Variants in MCPH1 observed in about 807,000 individuals in gnomAD.
MCPH1 encodes the protein microcephalin 1.
MCPH1 carries 104 observed loss-of-function variants against 84.5 expected under a neutral mutation model. The ratio of observed to expected loss-of-function variants is 1.23; its 90% CI spans 1.05 to 1.45. The LOEUF (loss-of-function observed/expected upper bound fraction) is 1.45. MCPH1 is among the 40% of genes most tolerant of loss of function. The pLI, the probability that MCPH1 is intolerant of heterozygous loss-of-function variation, is 0.00. For synonymous variants in MCPH1, 514 were observed against 366.8 expected (o/e 1.40, Z -4.58); for missense variants, 1,498 against 1,005.7 (o/e 1.49, Z -6.62).
At chr8:6,449,789 A>G (rs1273894183) in intron 8 of MCPH1, among the ~76,000 whole-genome samples, 2 of 152,186 alleles carry the variant, frequency 1.3e-5, no homozygotes, top group African/African-American at 4.8e-5. Flanking sequence ...ACAAGAGAGA[A>G]TCGTTGCTTA....
chr8:6,462,650 G>A (rs1806408491), intron 9 of MCPH1, among the ~76,000 whole-genome samples: 2 of 152,160 alleles, frequency 1.3e-5, no homozygotes, highest in African/African-American at 4.8e-5. Context: ...TCCCATCTCT[G>A]TTACTCACCT....
At chr8:6,559,621 T>C (rs1825206114) in intron 12 of MCPH1, among the ~76,000 whole-genome samples, 1 of 152,224 alleles carries the variant, frequency 6.6e-6, no homozygotes, top group African/African-American at 2.4e-5. Context: ...TTTATAGGTA[T>C]GAGGCACTCA....
At chr8:6,520,039 CA>C in intron 12 of MCPH1, 1 of 1,598,762 alleles carries the variant, frequency 6.3e-7, no homozygotes, top group Non-Finnish European at 8.5e-7. Context: ...CATGAAAAGA[CA>C]AAGACTTGTT....
chr8:6,621,997 A>C, intron 13 of MCPH1: 1 of 425,758 alleles, frequency 2.3e-6, no homozygotes, highest in Non-Finnish European at 4.6e-6. Flanking sequence ...GTGGGCACAG[A>C]CTCTCCGGGC....
chr8:6,520,549 C>G (rs2515439), intron 12 of MCPH1, among the ~76,000 whole-genome samples: 10,611 of 152,138 alleles, frequency 0.07, 438 homozygotes, highest in African/African-American at 0.11. Flanking sequence ...GTGCCCACCA[C>G]CAAGCCCAGC....
chr8:6,545,699 T>TAATA (rs963880503), intron 12 of MCPH1, among the ~76,000 whole-genome samples: 3 of 152,240 alleles, frequency 2.0e-5, no homozygotes, highest in South Asian at 4.1e-4. Flanking sequence ...TAAAAATAAA[T>TAATA]AATAAATAAA....
At chr8:6,485,941 T>G (rs1809848658) in intron 11 of MCPH1, among the ~76,000 whole-genome samples, 1 of 152,240 alleles carries the variant, frequency 6.6e-6, no homozygotes, top group South Asian at 2.1e-4. Flanking sequence ...CCTCAAAAAG[T>G]TTAGAAACAA....
At chr8:6,607,596 T>A (rs10089987) in intron 12 of MCPH1, among the ~76,000 whole-genome samples, 96,733 of 152,100 alleles carry the variant, frequency 0.64, 33,365 homozygotes, top group Non-Finnish European at 0.79. Context: ...TGTAGCTCCC[T>A]CAATTCCCAT....
chr8:6,618,107 G>T (rs965053746), intron 12 of MCPH1, among the ~76,000 whole-genome samples: 1 of 152,158 alleles, frequency 6.6e-6, no homozygotes, highest in Admixed American at 6.5e-5. Flanking sequence ...TGTAAATTGC[G>T]ATTACCAAGG....
intron 11 of MCPH1, among the ~76,000 whole-genome samples, chr8:6,489,874 G>A (rs577558292): frequency 2.0e-5 from 3 of 152,294 alleles, no homozygotes; most frequent in East Asian, 1.9e-4. Flanking sequence ...CTAAGATTAT[G>A]TATATTAATG....
At chr8:6,627,128 G>A (rs1347830193) in intron 13 of MCPH1, 33 of 985,188 alleles carry the variant, frequency 3.3e-5, no homozygotes, top group South Asian at 9.4e-5. Flanking sequence ...CTCATTCATC[G>A]TTTCCCCTAA....
intron 10 of MCPH1, among the ~76,000 whole-genome samples, chr8:6,479,953 C>G (rs191629221): frequency 1.3e-5 from 2 of 151,838 alleles, no homozygotes; most frequent in African/African-American, 4.8e-5. Context: ...AGTAGAAAAA[C>G]TATGTGTTGA....
chr8:6,472,764 A>T (rs116490693), intron 9 of MCPH1, among the ~76,000 whole-genome samples: 5 of 152,350 alleles, frequency 3.3e-5, no homozygotes, highest in South Asian at 2.1e-4. Context: ...CACCATGTCC[A>T]GCCTCAGACA....
At chr8:6,421,149 G>A (rs2922838) in intron 3 of MCPH1, among the ~76,000 whole-genome samples, 1,675 of 152,230 alleles carry the variant, frequency 0.011, 36 homozygotes, top group African/African-American at 0.038. Context: ...CTTTCTTCCC[G>A]TTTCTCCGCC....
At chr8:6,516,426 C>G (rs556203028) in intron 12 of MCPH1, among the ~76,000 whole-genome samples, 1 of 152,160 alleles carries the variant, frequency 6.6e-6, no homozygotes, top group Non-Finnish European at 1.5e-5. Context: ...AATAAGGTCT[C>G]TTTGATTCCT....
At chr8:6,442,392 T>G (rs1048392251) in intron 7 of MCPH1, among the ~76,000 whole-genome samples, 2 of 152,194 alleles carry the variant, frequency 1.3e-5, no homozygotes, top group Non-Finnish European at 2.9e-5. Flanking sequence ...ACAGAATCCA[T>G]TGCTCTATTT....
chr8:6,597,870 A>C (rs765669332), intron 12 of MCPH1, among the ~76,000 whole-genome samples: 6 of 152,002 alleles, frequency 3.9e-5, no homozygotes, highest in Non-Finnish European at 7.4e-5. Context: ...CCCTTCACTT[A>C]CCCATCTCCT....
In MCPH1 at chr8:6,439,012, A is replaced by G. The variant is rs760110485; in HGVS notation, c.496A>G (p.Ile166Val). Residue 166 changes from isoleucine to valine, a missense_variant, in exon 6 of 14, where the codon ATT becomes GTT. Physicochemically the swap from Ile to Val is conservative, Grantham distance 29 (BLOSUM62 3). Transcript: ENST00000344683. ...TGGTTCATTAATATATACTCCCACA[A>G]TTGAAATTAATAGTAGGCACCACAG... ...SNGSLIYTPT[I>V]EINSRHHSAM... The G allele has an allele frequency of 3.7e-6, 6 of 1,610,796 alleles. No homozygotes were observed. Among genetic ancestry groups the G allele is most frequent in the East Asian group, 2.2e-5 (1 of 44,834 alleles).
chr8:6,489,718 C>T (rs148169979), intron 11 of MCPH1, among the ~76,000 whole-genome samples: 28 of 152,252 alleles, frequency 1.8e-4, no homozygotes, highest in African/African-American at 6.5e-4. Flanking sequence ...AAGTGTGACT[C>T]GAGCCTTCTC....
Sources: gnomAD v4.1 joint callset for allele counts (sites outside exome capture counted in the v4.1 genomes callset) on GRCh38, gnomAD v4.1.1 for gene constraint, MANE v1.5 for transcripts, NCBI Gene and HGNC (gene_info 2026-07-23, HGNC 2026-07-21) for gene names.